ANO1: variants seen among roughly 807,000 people sequenced by gnomAD.
The protein encoded by ANO1 is anoctamin-1.
Under a neutral mutation model 124.0 loss-of-function variants are expected in ANO1, and 59 were observed. That is an observed-to-expected ratio of 0.48 (90% CI 0.39 to 0.59). The LOEUF (loss-of-function observed/expected upper bound fraction) is 0.59. Among genes scored for constraint, ANO1 ranks in the 20% least tolerant of loss-of-function variants. The pLI, the probability that ANO1 is intolerant of heterozygous loss-of-function variation, is 0.00. For synonymous variants in ANO1, 529 were observed against 532.0 expected (o/e 0.99, Z 0.08); for missense variants, 1,059 against 1,328.0 (o/e 0.80, Z 3.15).
At position 70,167,398 on chromosome 11, in the gene ANO1, GC is replaced by G. The variant is rs1339365547; in HGVS notation, c.2197+13del. 3.7e-6 allele frequency: 6 copies of G among 1,606,762 alleles called. No individual in the cohort carries two copies. Among genetic ancestry groups the G allele is most frequent in the Non-Finnish European group, 5.1e-6 (6 of 1,176,478 alleles). On this transcript the variant is annotated intron_variant, in intron 21 of 25. Coordinates refer to ENST00000355303, the MANE Select transcript of ANO1 (RefSeq NM_018043.7). ...AGTACATGGAAATGAGTGAGTGATG[GC>G]CGGGGCAGGCAGGTGACATCAGGAT...
intron 1 of ANO1, among the ~76,000 whole-genome samples, chr11:70,061,428 A>G (rs1477262673): frequency 1.3e-5 from 2 of 149,342 alleles, no homozygotes; most frequent in Non-Finnish European, 3.0e-5. Flanking sequence ...CAGAACTCCA[A>G]TTTTTGCCTC....
Position 70,098,336 on chromosome 11 carries a change from G to A in ANO1, c.442-4730G>A, listed in dbSNP as rs1015793330. 5.3e-5 allele frequency among the ~76,000 whole-genome samples: 8 copies of A among 152,318 alleles called. 2 individuals carry two copies. Among genetic ancestry groups the A allele is most frequent in the Admixed American group, 3.3e-4 (5 of 15,314 alleles). ...CGATGAGGCTCCTGGGCTTTCCCCT[G>A]CACCCAGTGGCCTGGACTGCTGTGC... is the stretch of plus-strand genomic sequence containing the variant. On this transcript the variant is annotated intron_variant, in intron 2 of 25. Transcript: ENST00000355303.
intron 1 of ANO1, among the ~76,000 whole-genome samples, chr11:70,029,826 A>T (rs1394816994): frequency 3.3e-5 from 5 of 152,106 alleles, no homozygotes; most frequent in African/African-American, 1.2e-4. Flanking sequence ...GGCGTTCCTC[A>T]GCTTGAGCTG....
At chr11:70,071,807 T>G (rs1016001164) in intron 1 of ANO1, among the ~76,000 whole-genome samples, 1 of 151,542 alleles carries the variant, frequency 6.6e-6, no homozygotes, top group Non-Finnish European at 1.5e-5. Context: ...TTTTCTTTTT[T>G]AGAAATGGGA....
chr11:70,176,310 G>A (rs1178481638), intron 22 of ANO1, among the ~76,000 whole-genome samples: 1 of 151,966 alleles, frequency 6.6e-6, no homozygotes, highest in African/African-American at 2.4e-5. Context: ...ACCAGATTTG[G>A]CTAATTTTGT....
intron 1 of ANO1, among the ~76,000 whole-genome samples, chr11:70,087,143 G>A (rs2044416738): frequency 1.3e-5 from 2 of 152,154 alleles, no homozygotes; most frequent in Non-Finnish European, 2.9e-5. Context: ...TTTTTAATTT[G>A]GGTGGGTACA....
intron 7 of ANO1, among the ~76,000 whole-genome samples, chr11:70,114,415 G>A (rs2045901987): frequency 6.6e-6 from 1 of 152,220 alleles, no homozygotes; most frequent in Non-Finnish European, 1.5e-5. Context: ...GTGCACCCAT[G>A]TCCTTACCCA....
chr11:70,009,814 G>A (rs1317103578), intron 1 of ANO1, among the ~76,000 whole-genome samples: 2 of 152,050 alleles, frequency 1.3e-5, no homozygotes, highest in Non-Finnish European at 2.9e-5. Context: ...AACAGGTGGT[G>A]TTTGGTTACA....
At chr11:70,118,457 C>T (rs2046083679) in intron 8 of ANO1, among the ~76,000 whole-genome samples, 1 of 152,054 alleles carries the variant, frequency 6.6e-6, no homozygotes, top group Non-Finnish European at 1.5e-5. Flanking sequence ...AGGCCTGGCC[C>T]ATGGGGGTAG....
chr11:70,146,274 C>A (rs1289896415), intron 11 of ANO1, among the ~76,000 whole-genome samples: 1 of 152,186 alleles, frequency 6.6e-6, no homozygotes, highest in East Asian at 1.9e-4. Flanking sequence ...TGTAAATGGT[C>A]TCCAGTTTGT....
In ANO1 at chr11:69,996,578, A is replaced by G. The variant is rs192897893; in HGVS notation, c.58+10412A>G. Among the ~76,000 whole-genome samples, 142 of 152,306 alleles carry G rather than the reference A, an allele frequency of 9.3e-4. 1 individual carries two copies. The highest frequency in any genetic ancestry group is 3.2e-3 in the African/African-American group (131 of 41,576). The stretch of plus-strand genomic sequence containing the variant: ...AATGAATGGCCTGCATTTCATCCAG[A>G]GACCCCTGAATGAGATAGCCAGGTC... On this transcript the variant is annotated intron_variant, in intron 1 of 27. Coordinates refer to the ANO1 transcript ENST00000531349.
chr11:70,118,122 C>G (rs1042983960), intron 8 of ANO1, among the ~76,000 whole-genome samples: 1 of 152,030 alleles, frequency 6.6e-6, no homozygotes, highest in African/African-American at 2.4e-5. Flanking sequence ...AATGCTTCTT[C>G]CATGGACACC....
At chr11:70,160,345 C>T (rs1225773875) in intron 16 of ANO1, among the ~76,000 whole-genome samples, 4 of 151,854 alleles carry the variant, frequency 2.6e-5, no homozygotes, top group Admixed American at 2.0e-4. Flanking sequence ...GGCATCCACA[C>T]CCCTGGGCAG....
intron 11 of ANO1, chr11:70,141,792 T>C (rs922028923): frequency 6.6e-6 from 1 of 152,256 alleles, no homozygotes; most frequent in African/African-American, 2.4e-5. Flanking sequence ...ATTTTTCCTC[T>C]GGTGTTTCTT....
At chr11:70,052,520 CTTTTTCTTTTCTTTTTTTTTTTTT>C (rs1857363724) in intron 1 of ANO1, among the ~76,000 whole-genome samples, 1 of 42,570 alleles carries the variant, frequency 2.3e-5, no homozygotes, top group African/African-American at 9.1e-5. Flanking sequence ...GGGAGAATTT[CTTTTTCTTTTCTTTTTTTTTTTTT>C]TTTTTTTTTT....
At chr11:69,993,763 G>C (rs60265701) in intron 1 of ANO1, among the ~76,000 whole-genome samples, 7,755 of 152,290 alleles carry the variant, frequency 0.051, 214 homozygotes, top group Middle Eastern at 0.1. Context: ...CACTCTTTCT[G>C]TCTTCATGGC....
At chr11:70,171,241 C>T (rs897147755) in intron 22 of ANO1, among the ~76,000 whole-genome samples, 2 of 152,192 alleles carry the variant, frequency 1.3e-5, no homozygotes, top group African/African-American at 2.4e-5. Flanking sequence ...CCCTTCCCCT[C>T]CCAAGATGCC....
chr11:70,076,591 T>C (rs1175372525), upstream of ANO1, among the ~76,000 whole-genome samples: 3 of 152,232 alleles, frequency 2.0e-5, no homozygotes, highest in Admixed American at 1.3e-4. Context: ...TGTACATGCG[T>C]GTGGGATTCT....
At chr11:70,045,654 G>A (rs1304324587) in intron 1 of ANO1, among the ~76,000 whole-genome samples, 9 of 151,042 alleles carry the variant, frequency 6.0e-5, no homozygotes, top group South Asian at 2.1e-4. Context: ...TTTTTTTTCC[G>A]TATCATATGG....
Sources: allele counts gnomAD v4.1 joint callset (sites outside exome capture counted in the v4.1 genomes callset), GRCh38; gene constraint gnomAD v4.1.1; transcripts MANE v1.5; gene names NCBI Gene and HGNC (gene_info 2026-07-23, HGNC 2026-07-21).